The following EEIG1 variants were observed in gnomAD, a reference collection of about 807,000 sequenced individuals.
EEIG1 encodes estrogen-induced osteoclastogenesis regulator 1, also known as early estrogen-induced gene 1 protein.
chr9:127,966,013 C>A, the EEIG1 span, among the ~76,000 whole-genome samples: 2 of 149,550 alleles, frequency 1.3e-5, no homozygotes, highest in Non-Finnish European at 3.0e-5. Context: ...CCAAAACGCT[C>A]TTTGTTCCCC....
the EEIG1 span, chr9:127,943,030 G>C: frequency 1.5e-6 from 1 of 682,120 alleles, no homozygotes; most frequent in South Asian, 1.7e-5. Flanking sequence ...GGATGGGAGG[G>C]GCAATGGAAT....
At chr9:127,943,072 G>T in the EEIG1 span, 1 of 881,176 alleles carries the variant, frequency 1.1e-6, no homozygotes, top group Non-Finnish European at 1.9e-6. Context: ...TGGAGTGCAT[G>T]GAGGAGGCAT....
At chr9:127,945,488 T>C in the EEIG1 span, 1 of 1,567,894 alleles carries the variant, frequency 6.4e-7, no homozygotes, top group South Asian at 1.2e-5. This position sits in a 1 kb window ranked among gnomAD's most constrained non-coding sequence, Gnocchi z 6.5. Flanking sequence ...CCAGAGGCGC[T>C]GCTGCTGGTG....
chr9:127,963,969 C>T, the EEIG1 span, among the ~76,000 whole-genome samples: 27 of 152,056 alleles, frequency 1.8e-4, no homozygotes, highest in Admixed American at 1.7e-3. Flanking sequence ...ATAGTGACAT[C>T]AGAGCCGGGA....
the EEIG1 span, among the ~76,000 whole-genome samples, chr9:127,971,561 C>T: frequency 1.3e-5 from 2 of 152,020 alleles, no homozygotes; most frequent in Non-Finnish European, 2.9e-5. Context: ...GGGGCGGGTC[C>T]AGCAGCTGGC....
At chr9:127,944,913 G>C in the EEIG1 span, 26 of 1,607,794 alleles carry the variant, frequency 1.6e-5, no homozygotes, top group African/African-American at 2.9e-4. Context: ...GTCAGGTCGT[G>C]GGGGGACAAG....
the EEIG1 span, among the ~76,000 whole-genome samples, chr9:127,955,176 T>C: frequency 6.6e-6 from 1 of 151,530 alleles, no homozygotes; most frequent in Admixed American, 6.6e-5. Flanking sequence ...CCGAGGAGAG[T>C]GGGTTAACTG....
chr9:127,946,032 G>A, the EEIG1 span, among the ~76,000 whole-genome samples: 13 of 152,370 alleles, frequency 8.5e-5, no homozygotes, highest in African/African-American at 2.4e-4. Context: ...ACCCACAACC[G>A]CAGTGAGAGG....
At chr9:127,975,449 A>G in the EEIG1 span, among the ~76,000 whole-genome samples, 1 of 152,144 alleles carries the variant, frequency 6.6e-6, no homozygotes, top group Non-Finnish European at 1.5e-5. Context: ...ACCCAAGTAC[A>G]GAGCACAAGA....
At chr9:127,946,110 G>A in the EEIG1 span, among the ~76,000 whole-genome samples, 1 of 152,352 alleles carries the variant, frequency 6.6e-6, no homozygotes, top group East Asian at 1.9e-4. Context: ...CTTCTCCAAG[G>A]AGACGGCCTT....
At chr9:127,971,050 G>T in the EEIG1 span, among the ~76,000 whole-genome samples, 1 of 152,208 alleles carries the variant, frequency 6.6e-6, no homozygotes, top group African/African-American at 2.4e-5. Context: ...GGGAGCCACA[G>T]GTATGCTGCC....
At chr9:127,959,656 C>T in the EEIG1 span, among the ~76,000 whole-genome samples, 1 of 152,184 alleles carries the variant, frequency 6.6e-6, no homozygotes, top group East Asian at 1.9e-4. Flanking sequence ...TTATAAGGGG[C>T]TCTTTCCCCT....
chr9:127,945,661 A>C, the EEIG1 span: 1 of 1,592,702 alleles, frequency 6.3e-7, no homozygotes, highest in Non-Finnish European at 8.5e-7. This position sits in a 1 kb window ranked among gnomAD's most constrained non-coding sequence, Gnocchi z 6.5. Flanking sequence ...GAGATCTTGG[A>C]CTGCTGGCTG....
At chr9:127,948,599 G>T in the EEIG1 span, among the ~76,000 whole-genome samples, 369 of 152,360 alleles carry the variant, frequency 2.4e-3, 2 homozygotes, top group African/African-American at 8.5e-3. Context: ...TCCCTGTGTG[G>T]AGGACAGAGA....
At chr9:127,963,507 C>T in the EEIG1 span, among the ~76,000 whole-genome samples, 1 of 152,220 alleles carries the variant, frequency 6.6e-6, no homozygotes, top group Non-Finnish European at 1.5e-5. Context: ...CGGGACAAGC[C>T]CTGCACCCAC....
the EEIG1 span, among the ~76,000 whole-genome samples, chr9:127,974,951 C>A: frequency 6.6e-6 from 1 of 152,230 alleles, no homozygotes; most frequent in African/African-American, 2.4e-5. Flanking sequence ...CGAACCTCCA[C>A]GGCCCCTGCT....
chr9:127,967,205 G>A, the EEIG1 span, among the ~76,000 whole-genome samples: 2 of 152,186 alleles, frequency 1.3e-5, no homozygotes, highest in South Asian at 4.1e-4. Flanking sequence ...CAAGTTAGGA[G>A]GGAGAAGTGG....
At chr9:127,958,859 C>G in the EEIG1 span, among the ~76,000 whole-genome samples, 1 of 152,070 alleles carries the variant, frequency 6.6e-6, no homozygotes, top group Non-Finnish European at 1.5e-5. Context: ...TAAAAATGGG[C>G]AAAGGATCCA....
chr9:127,950,854 T>G, the EEIG1 span: 4 of 345,960 alleles, frequency 1.2e-5, no homozygotes, highest in Non-Finnish European at 1.9e-5. Flanking sequence ...AGATGCATTG[T>G]TCCCTGGGAA....
Sources: gnomAD v4.1 joint callset for allele counts (sites outside exome capture counted in the v4.1 genomes callset) on GRCh38, gnomAD v4.1.1 for gene constraint, Gnocchi (gnomAD v3.1) non-coding constraint, MANE v1.5 for transcripts, NCBI Gene and HGNC (gene_info 2026-07-23, HGNC 2026-07-21) for gene names.